The following CLIP1 variants were observed in gnomAD, a reference collection of about 807,000 sequenced individuals.
CLIP1 encodes CAP-Gly domain-containing linker protein 1.
In CLIP1, 66 loss-of-function variants were observed where a neutral mutation model predicts 161.6. The observed-to-expected ratio is 0.41, with a 90% CI of 0.33 to 0.50. The LOEUF (loss-of-function observed/expected upper bound fraction) is 0.50, where lower values mean the gene tolerates loss of function less well. CLIP1 is among the 20% of genes least tolerant of loss of function. The pLI, the probability that CLIP1 is intolerant of heterozygous loss-of-function variation, is 0.27. For synonymous variants in CLIP1, 598 were observed against 626.2 expected, an observed-to-expected ratio of 0.96 and a Z score of 0.67; for missense variants, 1,376 against 1,702.0, an observed-to-expected ratio of 0.81 and a Z score of 3.37.
At chr12:122,342,413 C>T (rs1049929496) in intron 10 of CLIP1, 2 of 152,276 alleles carry the variant, frequency 1.3e-5, no homozygotes, top group Middle Eastern at 3.4e-3. Flanking sequence ...CTGTGCCATC[C>T]GGAACAGTAG....
At chr12:122,373,107 G>A (rs1306513120) in intron 3 of CLIP1, among the ~76,000 whole-genome samples, 1 of 151,992 alleles carries the variant, frequency 6.6e-6, no homozygotes, top group South Asian at 2.1e-4. Flanking sequence ...AATAACCTAC[G>A]GTAATAAAAA....
intron 18 of CLIP1, among the ~76,000 whole-genome samples, chr12:122,318,950 T>C (rs1162872142): frequency 6.6e-6 from 1 of 152,178 alleles, no homozygotes. Flanking sequence ...AGATCAAGGA[T>C]ACAAAAGCTA....
At chr12:122,400,362 C>T (rs1956100595) in intron 1 of CLIP1, 1 of 152,080 alleles carries the variant, frequency 6.6e-6, no homozygotes, top group Admixed American at 6.6e-5. Context: ...AAATTATGGG[C>T]CTGCTTAGCC....
At chr12:122,412,641 C>T (rs1026546777) in intron 1 of CLIP1, among the ~76,000 whole-genome samples, 3 of 151,764 alleles carry the variant, frequency 2.0e-5, no homozygotes, top group South Asian at 2.1e-4. Flanking sequence ...GGTGACAGAG[C>T]GAGACTCCGT....
At chr12:122,402,522 T>C (rs775489860) in intron 1 of CLIP1, among the ~76,000 whole-genome samples, 1 of 151,816 alleles carries the variant, frequency 6.6e-6, no homozygotes. Context: ...ATGCCTGTAA[T>C]CCCAGCACTT....
chr12:122,272,801 A>G lies in CLIP1; in HGVS notation c.*74T>C. The G allele has an allele frequency of 8.0e-7, 1 of 1,256,928 alleles. No homozygotes were observed. The highest frequency in any genetic ancestry group is 1.2e-6 in the Non-Finnish European group (1 of 857,962). The allele number at this position is 1,256,928 out of a possible 1,614,324, so 77.9% of individuals were successfully genotyped here. On this transcript the variant is annotated 3_prime_UTR_variant, in exon 26 of 26. Transcript: ENST00000620786. ...TAACATGAGTTCTCCTGAAGTCTGC[A>G]CACACAATGCTGGTGTTACGTTGTG...
At chr12:122,406,929 CAA>C (rs199764714) in intron 1 of CLIP1, among the ~76,000 whole-genome samples, 47 of 95,806 alleles carry the variant, frequency 4.9e-4, no homozygotes, top group East Asian at 3.0e-3. Flanking sequence ...CCTCCATCTG[CAA>C]AAAAAAAAAA....
chr12:122,315,406 G>T (rs1217092630), intron 19 of CLIP1, among the ~76,000 whole-genome samples: 1 of 148,158 alleles, frequency 6.7e-6, no homozygotes, highest in Non-Finnish European at 1.5e-5. Flanking sequence ...GTCATTAACA[G>T]AATAGAAGAC....
chr12:122,289,043 C>G (rs902379990), intron 20 of CLIP1, among the ~76,000 whole-genome samples: 15 of 150,670 alleles, frequency 1.0e-4, no homozygotes, highest in African/African-American at 3.6e-4. Context: ...GTCTCGATCT[C>G]CTGACCTTGT....
At chr12:122,420,955 A>AT (rs1426576200) in intron 1 of CLIP1, among the ~76,000 whole-genome samples, 3 of 150,612 alleles carry the variant, frequency 2.0e-5, no homozygotes, top group African/African-American at 7.4e-5. Context: ...TGATTGATTG[A>AT]TGGATGGATA....
At chr12:122,422,283 G>A (rs997055639) in intron 1 of CLIP1, among the ~76,000 whole-genome samples, 1 of 151,862 alleles carries the variant, frequency 6.6e-6, no homozygotes, top group Admixed American at 6.5e-5. Flanking sequence ...GCGCTGACAG[G>A]GCCGCCACTT....
rs562719860 is a variant in CLIP1 at position 122,384,484 on chromosome 12, G to A, written c.-106-3926C>T. On this transcript the variant is annotated intron_variant, in intron 1 of 25. Transcript: ENST00000620786. Reference sequence around the variant, plus strand: ...AAAGAAGTGGTGGCACTCGAAGGCCGGGCGCAGTGGCTCATACCTATAATC... The same window carrying A: ...AAAGAAGTGGTGGCACTCGAAGGCCAGGCGCAGTGGCTCATACCTATAATC... 1.4e-4 allele frequency among the ~76,000 whole-genome samples: 22 copies of A among 152,228 alleles called. 1 individual carries two copies. The highest frequency in any genetic ancestry group is 1.9e-4 in the African/African-American group (8 of 41,560).
chr12:122,333,178 G>A, intron 14 of CLIP1, 35 bp from the exon 15 acceptor site: 1 of 1,525,178 alleles, frequency 6.6e-7, no homozygotes, highest in Non-Finnish European at 8.9e-7. Flanking sequence ...TAGCACGGCT[G>A]TGTTATATCA....
intron 20 of CLIP1, among the ~76,000 whole-genome samples, chr12:122,299,612 C>CAAAAAAAAAAACAAAAAAAAAAAAA (rs1950601833): frequency 1.6e-5 from 1 of 62,500 alleles, no homozygotes; most frequent in African/African-American, 7.0e-5. Context: ...ATAAATTCAG[C>CAAAAAAAAAAACAAAAAAAAAAAAA]AAAAAAAAAA....
rs1566208983 is a variant in CLIP1, at chr12:122,387,561, T to C, written c.-106-7003A>G. On this transcript the variant is annotated intron_variant, in intron 1 of 25. Coordinates refer to ENST00000620786, the MANE Select transcript of CLIP1 (RefSeq NM_001247997.2). ...ACATGCCTTTTCATATATATATATATATATATATATATATATATATATATA... is the reference window on the plus strand; with the variant it reads ...ACATGCCTTTTCATATATATATATACATATATATATATATATATATATATA... Among the ~76,000 whole-genome samples, 78 of 9,350 alleles carry C rather than the reference T, an allele frequency of 8.3e-3. 2 individuals carry two copies. The highest frequency in any genetic ancestry group is 0.013 in the African/African-American group (76 of 5,832). 6.1% of individuals were successfully genotyped at this position (9,350 alleles called of 152,430 possible).
chr12:122,337,973 C>T (rs1192907888), intron 11 of CLIP1, among the ~76,000 whole-genome samples: 1 of 148,232 alleles, frequency 6.7e-6, no homozygotes, highest in Non-Finnish European at 1.5e-5. Flanking sequence ...CGAGATCATG[C>T]CACTGCACTC....
intron 1 of CLIP1, among the ~76,000 whole-genome samples, chr12:122,413,408 T>C (rs1030322978): frequency 5.9e-5 from 9 of 152,158 alleles, no homozygotes; most frequent in African/African-American, 2.2e-4. Context: ...ACCCTGAACA[T>C]CTGGATCTTC....
intron 1 of CLIP1, among the ~76,000 whole-genome samples, chr12:122,398,898 A>G (rs1057281272): frequency 5.4e-5 from 8 of 147,568 alleles, no homozygotes; most frequent in African/African-American, 2.0e-4. Flanking sequence ...TAGAAAATAT[A>G]TATTTTAATA....
chr12:122,352,832 C>T (rs368029901), intron 7 of CLIP1, 46 bp from the exon 8 acceptor site: 46 of 1,488,682 alleles, frequency 3.1e-5, no homozygotes, highest in Non-Finnish European at 3.9e-5. Flanking sequence ...CTAAGTAACA[C>T]ACAGCCTTTA....
Sources: gnomAD v4.1 joint callset for allele counts (sites outside exome capture counted in the v4.1 genomes callset) on GRCh38, gnomAD v4.1.1 for gene constraint, MANE v1.5 for transcripts, NCBI Gene and HGNC (gene_info 2026-07-23, HGNC 2026-07-21) for gene names.